EXOC6B: variants seen among roughly 807,000 people sequenced by gnomAD.
EXOC6B encodes the protein exocyst complex component 6B.
EXOC6B carries 54 observed loss-of-function variants against 113.5 expected under a neutral mutation model. That is an observed-to-expected ratio of 0.48 (90% confidence interval 0.38 to 0.60). The LOEUF (loss-of-function observed/expected upper bound fraction) is 0.60. Among genes scored for constraint, EXOC6B ranks in the 20% least tolerant of loss-of-function variants. The pLI is 0.00. For missense variants in EXOC6B, 797 were observed against 977.5 expected (o/e 0.82, Z 2.46); for synonymous variants, 357 against 339.0 (o/e 1.05, Z -0.58).
chr2:72,207,024 T>C (rs1374151223), intron 20 of EXOC6B, among the ~76,000 whole-genome samples: 3 of 152,210 alleles, frequency 2.0e-5, no homozygotes, highest in Non-Finnish European at 4.4e-5. Context: ...CACTTTTTTT[T>C]CTCACCAAAA....
chr2:72,242,244 T>C (rs1248813084), intron 20 of EXOC6B, among the ~76,000 whole-genome samples: 1 of 152,190 alleles, frequency 6.6e-6, no homozygotes, highest in Admixed American at 6.5e-5. Context: ...ATCTTAATTT[T>C]CTTATTCTTA....
chr2:72,430,046 G>C (rs1470782266), intron 18 of EXOC6B, among the ~76,000 whole-genome samples: 1 of 152,072 alleles, frequency 6.6e-6, no homozygotes, highest in Admixed American at 6.6e-5. Flanking sequence ...CTTTCCAAGA[G>C]AACTATTTTG....
chr2:72,682,375 C>G (rs574719853), intron 6 of EXOC6B, among the ~76,000 whole-genome samples: 4 of 152,258 alleles, frequency 2.6e-5, no homozygotes, highest in Non-Finnish European at 4.4e-5. Context: ...AAAATGCAGA[C>G]AGTAGTAACA....
chr2:72,289,682 G>T (rs192924709), intron 20 of EXOC6B, among the ~76,000 whole-genome samples: 1 of 152,302 alleles, frequency 6.6e-6, no homozygotes, highest in East Asian at 1.9e-4. Context: ...TATTCTGGGT[G>T]TCTCTGTGAG....
chr2:72,561,147 T>A (rs1037643469), intron 7 of EXOC6B, among the ~76,000 whole-genome samples: 1 of 152,052 alleles, frequency 6.6e-6, no homozygotes, highest in South Asian at 2.1e-4. Flanking sequence ...GTCTATTTTA[T>A]CTTGCCAAAA....
rs745543998 is a variant in EXOC6B at position 72,512,314 on chromosome 2, C to CGGAAGGAAGGAAGGAA, written c.1167+802_1167+817dup. On this transcript the variant is annotated intron_variant, in intron 11 of 21. Coordinates refer to ENST00000272427, the MANE Select transcript of EXOC6B (RefSeq NM_015189.3). ...AAGCATAATCAATCTTTAAGAAACA[C>CGGAAGGAAGGAAGGAA]GGAAGGAAGGAAGGAAGGAAGGAAG... Among the ~76,000 whole-genome samples, 25 of 107,622 alleles carry CGGAAGGAAGGAAGGAA rather than the reference C, an allele frequency of 2.3e-4. 2 individuals carry two copies. Among genetic ancestry groups the CGGAAGGAAGGAAGGAA allele is most frequent in the African/African-American group, 7.6e-4 (20 of 26,202 alleles). 70.6% of individuals were successfully genotyped at this position (107,622 alleles called of 152,430 possible).
intron 19 of EXOC6B, among the ~76,000 whole-genome samples, chr2:72,357,876 G>T (rs1251743328): frequency 6.6e-6 from 1 of 152,046 alleles, no homozygotes; most frequent in Non-Finnish European, 1.5e-5. Context: ...TGTAGCCTGG[G>T]TATGTAGCAG....
chr2:72,610,086 C>T (rs1670986480), intron 6 of EXOC6B, among the ~76,000 whole-genome samples: 1 of 151,984 alleles, frequency 6.6e-6, no homozygotes, highest in African/African-American at 2.4e-5. Flanking sequence ...TGGCAGAGGT[C>T]TATAATACTA....
intron 3 of EXOC6B, 117 bp from the exon 4 acceptor site, chr2:72,731,362 G>C: frequency 1.3e-6 from 1 of 743,380 alleles, no homozygotes; most frequent in Non-Finnish European, 2.3e-6. Flanking sequence ...TTCATAGTAA[G>C]ACCTGCCAAG....
chr2:72,695,766 A>T (rs931452858), intron 6 of EXOC6B, among the ~76,000 whole-genome samples: 9 of 151,696 alleles, frequency 5.9e-5, no homozygotes, highest in South Asian at 4.2e-4. Context: ...TAACAAGAAT[A>T]AAAAAAAATT....
intron 20 of EXOC6B, among the ~76,000 whole-genome samples, chr2:72,264,662 C>T (rs1233590345): frequency 6.6e-6 from 1 of 152,004 alleles, no homozygotes; most frequent in South Asian, 2.1e-4. Flanking sequence ...ATGATCCCCA[C>T]GTGTCAAGGG....
intron 20 of EXOC6B, among the ~76,000 whole-genome samples, chr2:72,331,787 T>C (rs534573281): frequency 1.3e-5 from 2 of 152,226 alleles, no homozygotes; most frequent in South Asian, 4.1e-4. Flanking sequence ...AAGTAAAATA[T>C]CTTGAAAGCT....
At chr2:72,724,277 C>T (rs1033655912) in intron 5 of EXOC6B, among the ~76,000 whole-genome samples, 2 of 152,148 alleles carry the variant, frequency 1.3e-5, no homozygotes, top group Non-Finnish European at 2.9e-5. Context: ...GGCAGATAAA[C>T]ATTCAAACTC....
At chr2:72,560,842 TA>T (rs201432418) in intron 7 of EXOC6B, among the ~76,000 whole-genome samples, 1,404 of 139,230 alleles carry the variant, frequency 0.01, 5 homozygotes, top group Non-Finnish European at 0.013. Context: ...AACTTTACTT[TA>T]AAAAAAAAAA....
intron 19 of EXOC6B, among the ~76,000 whole-genome samples, chr2:72,339,860 T>A (rs1166293861): frequency 6.6e-6 from 1 of 152,178 alleles, no homozygotes; most frequent in African/African-American, 2.4e-5. Context: ...ACTAATATAC[T>A]TTACTTGCCA....
intron 6 of EXOC6B, among the ~76,000 whole-genome samples, chr2:72,705,730 C>T (rs1347125510): frequency 1.3e-5 from 2 of 152,096 alleles, no homozygotes; most frequent in African/African-American, 4.8e-5. Flanking sequence ...CACACACACA[C>T]ACACCCAATA....
At chr2:72,219,381 ACTTCT>A (rs777909647) in intron 20 of EXOC6B, among the ~76,000 whole-genome samples, 6 of 151,978 alleles carry the variant, frequency 3.9e-5, no homozygotes, top group Non-Finnish European at 7.4e-5. Context: ...GCTACTAAAG[ACTTCT>A]CTGCTCTCAA....
chr2:72,217,868 G>A (rs1211567586), intron 20 of EXOC6B, among the ~76,000 whole-genome samples: 3 of 152,114 alleles, frequency 2.0e-5, no homozygotes, highest in African/African-American at 7.2e-5. Flanking sequence ...TAGCATATAA[G>A]CATTTAGTAA....
chr2:72,371,900 G>A (rs1028039036), intron 19 of EXOC6B, among the ~76,000 whole-genome samples: 7 of 152,090 alleles, frequency 4.6e-5, no homozygotes, highest in African/African-American at 1.7e-4. Flanking sequence ...ATCATTGTTT[G>A]CAGATGATAT....
Sources: gnomAD v4.1 joint callset for allele counts (sites outside exome capture counted in the v4.1 genomes callset) on GRCh38, gnomAD v4.1.1 for gene constraint, MANE v1.5 for transcripts, NCBI Gene and HGNC (gene_info 2026-07-23, HGNC 2026-07-21) for gene names.